PARD3: variants seen among roughly 807,000 people sequenced by gnomAD.
The protein encoded by PARD3 is partitioning defective 3 homolog.
A neutral mutation model predicts 155.4 loss-of-function variants in PARD3; 75 were observed. That is an observed-to-expected ratio of 0.48 (90% CI 0.40 to 0.58). The LOEUF (loss-of-function observed/expected upper bound fraction) is 0.58. Among genes scored for constraint, PARD3 ranks in the 20% least tolerant of loss-of-function variants. The probability of loss-of-function intolerance (pLI) is 0.00; values close to 1 mark genes in which losing one functional copy is unlikely to be tolerated. For missense variants in PARD3, 1,642 were observed against 1,721.7 expected, an observed-to-expected ratio of 0.95 and a Z score of 0.82; for synonymous variants, 576 against 610.5, an observed-to-expected ratio of 0.94 and a Z score of 0.83.
intron 19 of PARD3, 65 bp downstream of exon 19, chr10:34,331,052 T>A: frequency 4.6e-6 from 6 of 1,296,920 alleles, no homozygotes; most frequent in Non-Finnish European, 6.7e-6. Context: ...CAGGGCTCCC[T>A]GGAGCTCACT....
intron 22 of PARD3, among the ~76,000 whole-genome samples, chr10:34,140,312 T>C (rs370551024): frequency 6.6e-6 from 1 of 152,212 alleles, no homozygotes; most frequent in South Asian, 2.1e-4. Context: ...TGAGCAGTAT[T>C]ATGCCTTTAT....
chr10:34,579,954 C>G (rs2087287120), intron 2 of PARD3, among the ~76,000 whole-genome samples: 1 of 151,880 alleles, frequency 6.6e-6, no homozygotes, highest in South Asian at 2.1e-4. Context: ...CTCTGTCTCC[C>G]AGGCTGGAGT....
intron 2 of PARD3, among the ~76,000 whole-genome samples, chr10:34,525,472 G>C (rs1312231153): frequency 6.6e-6 from 1 of 152,170 alleles, no homozygotes; most frequent in Non-Finnish European, 1.5e-5. Flanking sequence ...TGTGATATTA[G>C]AGCAGTACCT....
chr10:34,777,222 T>C (rs1839698971), intron 1 of PARD3, among the ~76,000 whole-genome samples: 1 of 151,968 alleles, frequency 6.6e-6, no homozygotes, highest in South Asian at 2.1e-4. Flanking sequence ...AGCACGGACA[T>C]CTTCCTATGT....
intron 2 of PARD3, among the ~76,000 whole-genome samples, chr10:34,692,817 T>G (rs2094094247): frequency 6.6e-6 from 1 of 152,212 alleles, no homozygotes. Flanking sequence ...GAGGTTGCAG[T>G]GAGCTGAGAT....
intron 1 of PARD3, among the ~76,000 whole-genome samples, chr10:34,800,993 CCT>C (rs1370827163): frequency 2.6e-5 from 4 of 152,154 alleles, no homozygotes; most frequent in African/African-American, 9.7e-5. Context: ...TAAAATCCCC[CCT>C]ATCAAAACAC....
At chr10:34,429,621 T>C (rs1320281407) in intron 5 of PARD3, among the ~76,000 whole-genome samples, 1 of 151,806 alleles carries the variant, frequency 6.6e-6, no homozygotes, top group African/African-American at 2.4e-5. Context: ...AGTCTTGCAC[T>C]GTTGCCCGCG....
intron 3 of PARD3, among the ~76,000 whole-genome samples, chr10:34,473,656 G>A (rs1233462613): frequency 6.6e-6 from 1 of 152,160 alleles, no homozygotes; most frequent in Non-Finnish European, 1.5e-5. Flanking sequence ...AACAGGGCTG[G>A]GACAGAAGCA....
intron 2 of PARD3, among the ~76,000 whole-genome samples, chr10:34,560,875 AT>A (rs894935793): frequency 6.6e-6 from 1 of 152,196 alleles, no homozygotes; most frequent in African/African-American, 2.4e-5. Flanking sequence ...CTGATGAGGT[AT>A]TTGGAACTCA....
intron 1 of PARD3, among the ~76,000 whole-genome samples, chr10:34,715,697 A>G (rs1017163703): frequency 2.6e-5 from 4 of 152,240 alleles, no homozygotes; most frequent in Non-Finnish European, 5.9e-5. Flanking sequence ...TGAGTCCCAT[A>G]GGCCACAGTA....
chr10:34,264,348 C>T (rs530380319), intron 22 of PARD3, among the ~76,000 whole-genome samples: 1 of 152,322 alleles, frequency 6.6e-6, no homozygotes, highest in South Asian at 2.1e-4. Flanking sequence ...TTATTTTCAA[C>T]TTACAATGAG....
chr10:34,317,091 G>C lies in PARD3; in HGVS notation c.3065+16C>G, dbSNP rs534582726. 48 of 1,536,940 alleles carry C rather than the reference G, an allele frequency of 3.1e-5. No individual in the cohort carries two copies. The highest frequency in any genetic ancestry group is 4.0e-5 in the Non-Finnish European group (46 of 1,142,014). On this transcript the variant is annotated intron_variant, in intron 20 of 24. Transcript: ENST00000374788. ...TATGTTTAAGGAGATTCTGGTTTGG[G>C]ATGGTAACGACTTACCTGAACATGT...
intron 22 of PARD3, among the ~76,000 whole-genome samples, chr10:34,143,219 C>G (rs1431396437): frequency 1.3e-5 from 2 of 152,030 alleles, no homozygotes; most frequent in African/African-American, 2.4e-5. Context: ...ACTTGGGAAG[C>G]TGAATCGCTT....
intron 22 of PARD3, among the ~76,000 whole-genome samples, chr10:34,197,305 T>C (rs534144691): frequency 6.6e-6 from 1 of 152,298 alleles, no homozygotes; most frequent in Non-Finnish European, 1.5e-5. Context: ...AACTACTCAA[T>C]CTGAGGGAAC....
intron 5 of PARD3, among the ~76,000 whole-genome samples, chr10:34,428,399 C>G (rs926037997): frequency 7.2e-5 from 11 of 152,208 alleles, no homozygotes; most frequent in Non-Finnish European, 1.6e-4. Flanking sequence ...GCCTGCAGTT[C>G]CAGCTAGTTG....
At chr10:34,490,804 T>C (rs186694480) in intron 3 of PARD3, among the ~76,000 whole-genome samples, 88 of 152,326 alleles carry the variant, frequency 5.8e-4, no homozygotes, top group Non-Finnish European at 1.1e-3. Context: ...CTTTGAGTTA[T>C]ATATGTGGTT....
At chr10:34,132,271 C>T (rs1947652581) in intron 22 of PARD3, among the ~76,000 whole-genome samples, 1 of 152,046 alleles carries the variant, frequency 6.6e-6, no homozygotes, top group African/African-American at 2.4e-5. Flanking sequence ...TTGTTTTATT[C>T]TCAGAAATAC....
chr10:34,453,147 T>C (rs967244100), intron 4 of PARD3, among the ~76,000 whole-genome samples: 2 of 152,198 alleles, frequency 1.3e-5, no homozygotes, highest in African/African-American at 4.8e-5. Flanking sequence ...CAATGGTGCT[T>C]ACTGTACCAC....
chr10:34,687,663 T>C (rs544802651), intron 2 of PARD3, among the ~76,000 whole-genome samples: 88 of 152,022 alleles, frequency 5.8e-4, no homozygotes, highest in African/African-American at 2.1e-3. Flanking sequence ...CAAAGCAAAA[T>C]TACATCCAAG....
Sources: allele counts gnomAD v4.1 joint callset (sites outside exome capture counted in the v4.1 genomes callset), GRCh38; gene constraint gnomAD v4.1.1; transcripts MANE v1.5; gene names NCBI Gene and HGNC (gene_info 2026-07-23, HGNC 2026-07-21).